The following GRID2 variants were observed in gnomAD, a reference collection of about 807,000 sequenced individuals.
GRID2 encodes glutamate ionotropic receptor delta type subunit 2.
A neutral mutation model predicts 114.8 loss-of-function variants in GRID2; 33 were observed. The ratio of observed to expected loss-of-function variants is 0.29; its 90% CI spans 0.22 to 0.38. The LOEUF (loss-of-function observed/expected upper bound fraction) is 0.38, where lower values mean the gene tolerates loss of function less well. GRID2 is among the 10% of genes least tolerant of loss of function. The pLI is 1.00. For synonymous variants in GRID2, 505 were observed against 449.9 expected (o/e 1.12, Z -1.55); for missense variants, 1,184 against 1,257.7 (o/e 0.94, Z 0.89).
At position 93,168,298 on chromosome 4, in the gene GRID2, A is replaced by G. The variant is rs557885839; in HGVS notation, c.736-39106A>G. 3.0e-4 allele frequency among the ~76,000 whole-genome samples: 46 copies of G among 152,182 alleles called. No homozygotes were observed. The South Asian group carries it at 9.5e-3, about 32-fold the overall frequency. On this transcript the variant is annotated intron_variant, in intron 4 of 15. Coordinates refer to ENST00000282020, the MANE Select transcript of GRID2 (RefSeq NM_001510.4). The stretch of plus-strand genomic sequence containing the variant: ...AAGGAAAGGAAAGGGGAAGAAAGAA[A>G]GAGAAAGAAAGACTTTTGTTAATAT...
At chr4:92,491,917 C>A (rs1723164255) in intron 1 of GRID2, among the ~76,000 whole-genome samples, 1 of 152,008 alleles carries the variant, frequency 6.6e-6, no homozygotes, top group South Asian at 2.1e-4. Context: ...TCAGTAATGC[C>A]TTTTCCAAAC....
chr4:93,208,882 G>A (rs1016885352), intron 5 of GRID2, among the ~76,000 whole-genome samples: 1 of 151,854 alleles, frequency 6.6e-6, no homozygotes, highest in Non-Finnish European at 1.5e-5. Flanking sequence ...TTTTCATGTG[G>A]AATAACTAAA....
At chr4:92,859,873 G>A (rs1237056187) in intron 2 of GRID2, among the ~76,000 whole-genome samples, 1 of 152,038 alleles carries the variant, frequency 6.6e-6, no homozygotes, top group Admixed American at 6.6e-5. Flanking sequence ...CATTTGTTCT[G>A]TGCATTGTAG....
At chr4:92,358,223 CTG>C (rs755633277) in intron 1 of GRID2, among the ~76,000 whole-genome samples, 28 of 151,940 alleles carry the variant, frequency 1.8e-4, no homozygotes, top group Non-Finnish European at 3.8e-4. Context: ...GTGCAAAGCA[CTG>C]AGAGCGGTAA....
intron 8 of GRID2, among the ~76,000 whole-genome samples, chr4:93,252,986 A>C (rs1749143557): frequency 6.6e-6 from 1 of 152,072 alleles, no homozygotes; most frequent in South Asian, 2.1e-4. Context: ...GAAGTGGTTT[A>C]CGCCTGTAAT....
intron 4 of GRID2, among the ~76,000 whole-genome samples, chr4:93,199,090 A>T (rs1215695301): frequency 6.6e-6 from 1 of 152,122 alleles, no homozygotes; most frequent in East Asian, 1.9e-4. Context: ...CCATATTAGC[A>T]TATGGTAAAA....
At chr4:92,390,490 T>G (rs973535241) in intron 1 of GRID2, among the ~76,000 whole-genome samples, 1 of 152,150 alleles carries the variant, frequency 6.6e-6, no homozygotes, top group African/African-American at 2.4e-5. Flanking sequence ...TGGCCCTGAC[T>G]GCGGAGGGAG....
At chr4:92,363,687 A>G (rs1728720044) in intron 1 of GRID2, among the ~76,000 whole-genome samples, 1 of 151,936 alleles carries the variant, frequency 6.6e-6, no homozygotes, top group South Asian at 2.1e-4. Context: ...ATAACATACT[A>G]TGTTCCTAAA....
chr4:92,470,211 A>C (rs1223860582), intron 1 of GRID2, among the ~76,000 whole-genome samples: 1 of 151,972 alleles, frequency 6.6e-6, no homozygotes, highest in Non-Finnish European at 1.5e-5. Flanking sequence ...CTAAGCTATA[A>C]TTGGATGTGG....
intron 3 of GRID2, among the ~76,000 whole-genome samples, chr4:93,088,569 T>G (rs1032051071): frequency 1.3e-5 from 2 of 152,098 alleles, no homozygotes; most frequent in African/African-American, 2.4e-5. Context: ...ATGGAATGAC[T>G]TCACTCTTGA....
At chr4:93,299,698 A>G (rs1462390537) in intron 8 of GRID2, among the ~76,000 whole-genome samples, 4 of 152,086 alleles carry the variant, frequency 2.6e-5, no homozygotes, top group Admixed American at 2.6e-4. Context: ...CTTAAAGTAT[A>G]ATAAAAATAT....
intron 2 of GRID2, among the ~76,000 whole-genome samples, chr4:92,617,126 C>T (rs1579693308): frequency 6.6e-6 from 1 of 151,190 alleles, no homozygotes; most frequent in South Asian, 2.1e-4. Context: ...TATATATATC[C>T]TACAGTGCTA....
chr4:93,267,268 T>C (rs1750956270), intron 8 of GRID2, among the ~76,000 whole-genome samples: 1 of 152,096 alleles, frequency 6.6e-6, no homozygotes, highest in African/African-American at 2.4e-5. Flanking sequence ...ACATGTGCCA[T>C]GCTGGTGCGC....
chr4:92,641,623 ATAGT>A (rs978452484), intron 2 of GRID2, among the ~76,000 whole-genome samples: 1 of 151,930 alleles, frequency 6.6e-6, no homozygotes, highest in Middle Eastern at 3.4e-3. Context: ...ATGACGTAAC[ATAGT>A]TAATAATCAT....
Position 93,585,314 on chromosome 4 carries a change from G to A in GRID2, c.2194-40955G>A, listed in dbSNP as rs148093351. 2.0e-5 allele frequency among the ~76,000 whole-genome samples: 3 copies of A among 152,130 alleles called. No homozygotes were observed. The East Asian group carries it at 5.8e-4, about 29-fold the overall frequency. On this transcript the variant is annotated intron_variant, in intron 13 of 15. Transcript: ENST00000282020. ...CCGTTTTTGTCTGTGAGTGATCTGG[G>A]CACAATGATTTTGGCACCCAGCAAG...
intron 8 of GRID2, among the ~76,000 whole-genome samples, chr4:93,242,053 C>T (rs1405486083): frequency 6.6e-6 from 1 of 151,770 alleles, no homozygotes; most frequent in Non-Finnish European, 1.5e-5. Flanking sequence ...ACATCATTTT[C>T]CAGGGTGATA....
intron 2 of GRID2, among the ~76,000 whole-genome samples, chr4:92,706,151 A>G (rs1734945166): frequency 6.6e-6 from 1 of 152,170 alleles, no homozygotes; most frequent in South Asian, 2.1e-4. Context: ...GTTTTAAGAC[A>G]ATAATAAACT....
At chr4:92,816,439 C>T (rs894836048) in intron 2 of GRID2, among the ~76,000 whole-genome samples, 6 of 151,564 alleles carry the variant, frequency 4.0e-5, no homozygotes, top group Admixed American at 2.6e-4. Context: ...TATTATTGCT[C>T]ATACATTAAT....
chr4:92,906,031 G>A (rs570918394), intron 2 of GRID2, among the ~76,000 whole-genome samples: 37 of 152,184 alleles, frequency 2.4e-4, no homozygotes, highest in African/African-American at 8.9e-4. Flanking sequence ...AAATATTGGA[G>A]AGTTAATTTA....
Sources: allele counts gnomAD v4.1 joint callset (sites outside exome capture counted in the v4.1 genomes callset), GRCh38; gene constraint gnomAD v4.1.1; transcripts MANE v1.5; gene names NCBI Gene and HGNC (gene_info 2026-07-23, HGNC 2026-07-21).